ACO1: variants seen among roughly 807,000 people sequenced by gnomAD.
The protein encoded by ACO1 is aconitase 1.
A neutral mutation model predicts 105.1 loss-of-function variants in ACO1; 78 were observed. That is an observed-to-expected ratio of 0.74 (90% CI 0.62 to 0.90). The LOEUF is 0.90. ACO1 is among the 40% of genes least tolerant of loss of function. The probability of loss-of-function intolerance (pLI) is 0.00; values close to 1 mark genes in which losing one functional copy is unlikely to be tolerated. For missense variants in ACO1, 965 were observed against 1,111.1 expected (o/e 0.87, Z 1.87); for synonymous variants, 364 against 397.4 (o/e 0.92, Z 1.00).
chr9:32,406,031 A>C (rs889321621), intron 2 of ACO1, among the ~76,000 whole-genome samples: 1 of 152,206 alleles, frequency 6.6e-6, no homozygotes, highest in Non-Finnish European at 1.5e-5. Flanking sequence ...TGTCTTTTCC[A>C]GATAAATTTC....
chr9:32,449,176 C>T, intron 20 of ACO1, 95 bp downstream of exon 20: 2 of 1,200,434 alleles, frequency 1.7e-6, no homozygotes, highest in Non-Finnish European at 2.3e-6. Flanking sequence ...GTTTAGAAGG[C>T]AAAAAATATC....
chr9:32,416,256 G>C (rs896300399), intron 4 of ACO1, among the ~76,000 whole-genome samples: 1 of 151,850 alleles, frequency 6.6e-6, no homozygotes, highest in African/African-American at 2.4e-5. Context: ...CACCATGCCC[G>C]GCTAATTTTT....
At chr9:32,449,841 G>C (rs1822716767) in intron 20 of ACO1, among the ~76,000 whole-genome samples, 157 bp from the exon 21 acceptor site, 1 of 152,142 alleles carries the variant, frequency 6.6e-6, no homozygotes, top group Non-Finnish European at 1.5e-5. Flanking sequence ...CTGATTTAGT[G>C]GGTCTGGGCT....
In ACO1 at chr9:32,451,729, C is replaced by G. The variant is rs1328004910; in HGVS notation, c.*1618C>G. On this transcript the variant is annotated 3_prime_UTR_variant, in exon 21 of 21. Transcript: ENST00000309951. Reference sequence around the variant, plus strand: ...AGGTTATTTAGCATCCCTGCACTTGCGGTCCTGGGGATCTTATTTATATTC... The same window carrying G: ...AGGTTATTTAGCATCCCTGCACTTGGGGTCCTGGGGATCTTATTTATATTC... 6.6e-6 allele frequency: 1 copy of G among 152,138 alleles called. No homozygotes were observed. Among genetic ancestry groups the G allele is most frequent in the Admixed American group, 6.5e-5 (1 of 15,276 alleles). 9.4% of individuals were successfully genotyped at this position (152,138 alleles called of 1,614,324 possible). A position where few individuals can be genotyped will look rare whatever the true frequency, so the allele number is the denominator to read the frequency against.
intron 14 of ACO1, among the ~76,000 whole-genome samples, chr9:32,430,823 G>C (rs1472040358): frequency 6.6e-6 from 1 of 152,170 alleles, no homozygotes; most frequent in African/African-American, 2.4e-5. Flanking sequence ...TGCTATTCTG[G>C]TTTCTTCTGT....
chr9:32,411,155 T>C (rs983525356), intron 4 of ACO1, among the ~76,000 whole-genome samples: 13 of 152,106 alleles, frequency 8.5e-5, no homozygotes, highest in African/African-American at 2.9e-4. Context: ...GGAAATACAG[T>C]CCACCCGTCT....
intron 4 of ACO1, among the ~76,000 whole-genome samples, chr9:32,415,604 GA>G (rs911989479): frequency 6.6e-6 from 1 of 152,170 alleles, no homozygotes; most frequent in East Asian, 1.9e-4. Context: ...ATACTATTAA[GA>G]AGGTCGAGAT....
intron 4 of ACO1, among the ~76,000 whole-genome samples, chr9:32,416,024 A>G (rs1460967194): frequency 6.6e-6 from 1 of 152,114 alleles, no homozygotes; most frequent in African/African-American, 2.4e-5. Flanking sequence ...TACCTATTAA[A>G]GCAACCAACA....
intron 15 of ACO1, among the ~76,000 whole-genome samples, chr9:32,432,490 C>T (rs1428955995): frequency 1.3e-5 from 2 of 152,168 alleles, no homozygotes; most frequent in African/African-American, 2.4e-5. Context: ...ACACGCTGCA[C>T]TCTTCACAAG....
chr9:32,413,063 G>T (rs1173979959), intron 4 of ACO1, among the ~76,000 whole-genome samples: 1 of 151,700 alleles, frequency 6.6e-6, no homozygotes, highest in Non-Finnish European at 1.5e-5. Context: ...ATCAATTGTG[G>T]TTTCAGTTTT....
chr9:32,414,514 G>GT (rs1481998009), intron 4 of ACO1, among the ~76,000 whole-genome samples: 1 of 152,192 alleles, frequency 6.6e-6, no homozygotes, highest in Non-Finnish European at 1.5e-5. Context: ...TGGAATTACT[G>GT]TATCATGAAA....
chr9:32,406,866 C>T (rs1368856471), intron 2 of ACO1, among the ~76,000 whole-genome samples: 1 of 152,220 alleles, frequency 6.6e-6, no homozygotes, highest in African/African-American at 2.4e-5. Flanking sequence ...TCACTGCAAC[C>T]TCTGCCTCCT....
chr9:32,427,010 A>G (rs1199950496), intron 11 of ACO1, among the ~76,000 whole-genome samples: 2 of 152,178 alleles, frequency 1.3e-5, no homozygotes, highest in African/African-American at 2.4e-5. Context: ...ATTTTGTAAT[A>G]TATTCCTAAA....
intron 18 of ACO1, among the ~76,000 whole-genome samples, chr9:32,436,670 G>C (rs755790810): frequency 6.6e-6 from 1 of 152,138 alleles, no homozygotes; most frequent in African/African-American, 2.4e-5. Flanking sequence ...TAAAGTATTC[G>C]AAGGGGAAAT....
In ACO1 at chr9:32,401,085, G is replaced by A. The variant is rs537404075; in HGVS notation, c.-22-4400G>A. Among the ~76,000 whole-genome samples the A allele has an allele frequency of 8.1e-4, 123 of 152,030 alleles. 1 individual carries two copies. Among genetic ancestry groups the A allele is most frequent in the African/African-American group, 2.5e-3 (103 of 41,486 alleles). ...TGAATCTGAGTAAGGGATTGTATACGCAATATTATATCAGGAAAATTGATT... is the reference window on the plus strand; with the variant it reads ...TGAATCTGAGTAAGGGATTGTATACACAATATTATATCAGGAAAATTGATT... On this transcript the variant is annotated intron_variant, in intron 1 of 20. Coordinates refer to ENST00000309951, the MANE Select transcript of ACO1 (RefSeq NM_002197.3).
intron 14 of ACO1, among the ~76,000 whole-genome samples, 177 bp from the exon 15 acceptor site, chr9:32,431,542 G>A: frequency 6.6e-6 from 1 of 152,184 alleles, no homozygotes; most frequent in East Asian, 1.9e-4. Context: ...GGTGACCAGA[G>A]GCTTGCAGGA....
chr9:32,427,106 CTAAA>C (rs1822116768), intron 11 of ACO1, among the ~76,000 whole-genome samples, 191 bp from the exon 12 acceptor site: 1 of 152,130 alleles, frequency 6.6e-6, no homozygotes, highest in Admixed American at 6.5e-5. Flanking sequence ...CTGCATATAT[CTAAA>C]TGACCGTTGG....
intron 19 of ACO1, among the ~76,000 whole-genome samples, chr9:32,447,837 C>T (rs950653723): frequency 1.3e-5 from 2 of 152,186 alleles, no homozygotes; most frequent in East Asian, 1.9e-4. Flanking sequence ...TGCTGCAGGT[C>T]TGCTGGAGTT....
chr9:32,411,038 AAC>A (rs1821726919), intron 4 of ACO1, among the ~76,000 whole-genome samples: 1 of 152,104 alleles, frequency 6.6e-6, no homozygotes, highest in Admixed American at 6.5e-5. Context: ...GGCAAGTGAA[AAC>A]ACACAGTATC....
Sources: gnomAD v4.1 joint callset for allele counts (sites outside exome capture counted in the v4.1 genomes callset) on GRCh38, gnomAD v4.1.1 for gene constraint, MANE v1.5 for transcripts, NCBI Gene and HGNC (gene_info 2026-07-23, HGNC 2026-07-21) for gene names.